Variants in SPATA17 observed in about 807,000 individuals in gnomAD.
SPATA17 encodes the protein spermatogenesis-associated protein 17.
A neutral mutation model predicts 62.2 loss-of-function variants in SPATA17; 53 were observed. The observed-to-expected ratio is 0.85, with a 90% CI of 0.68 to 1.07. SPATA17 has a LOEUF of 1.07. SPATA17 is among the 50% of genes least tolerant of loss of function. SPATA17 has a pLI of 0.00. For missense variants in SPATA17, 466 were observed against 425.5 expected (o/e 1.10, Z -0.84); for synonymous variants, 146 against 146.8 (o/e 0.99, Z 0.04).
chr1:217,653,860 GA>G (rs1333239507), intron 3 of SPATA17, among the ~76,000 whole-genome samples: 1 of 152,092 alleles, frequency 6.6e-6, no homozygotes, highest in African/African-American at 2.4e-5. Flanking sequence ...TAAAACCAAA[GA>G]ATTCCATTGG....
chr1:217,645,238 CA>C (rs1182740372), intron 1 of SPATA17, among the ~76,000 whole-genome samples: 1 of 151,700 alleles, frequency 6.6e-6, no homozygotes, highest in East Asian at 1.9e-4. Context: ...AATAATATCC[CA>C]AAAAGAAATT....
At chr1:217,838,185 G>T (rs950358140) in intron 9 of SPATA17, among the ~76,000 whole-genome samples, 1 of 151,570 alleles carries the variant, frequency 6.6e-6, no homozygotes, top group Non-Finnish European at 1.5e-5. Flanking sequence ...TTTCATTTGC[G>T]GCCCACATAG....
At chr1:217,732,084 T>TTCTCTCTCTC (rs60691625) in intron 5 of SPATA17, among the ~76,000 whole-genome samples, 8,215 of 148,754 alleles carry the variant, frequency 0.055, 255 homozygotes, top group Middle Eastern at 0.12. Context: ...TTACTCCAGT[T>TTCTCTCTCTC]TCTCTCTCTC....
In SPATA17 at chr1:217,795,456, G is replaced by A. The variant is rs145326036; in HGVS notation, c.873-6262G>A. 2.8e-3 allele frequency among the ~76,000 whole-genome samples: 368 copies of A among 129,310 alleles called. 1 individual carries two copies. The highest frequency in any genetic ancestry group is 9.3e-3 in the African/African-American group (326 of 34,922). The allele number at this position is 129,310 out of a possible 152,430, so 84.8% of individuals were successfully genotyped here. A position where few individuals can be genotyped will look rare whatever the true frequency, so the allele number is the denominator to read the frequency against. The stretch of plus-strand genomic sequence containing the variant: ...GTGATCTCGGCTCGCTGCAAACTCC[G>A]CCTCTGGCGTTCAATTGATTCTTCT... On this transcript the variant is annotated intron_variant, in intron 8 of 10. Transcript: ENST00000366933.
chr1:217,635,439 C>A (rs764232019), intron 1 of SPATA17, among the ~76,000 whole-genome samples: 2 of 152,186 alleles, frequency 1.3e-5, no homozygotes, highest in Non-Finnish European at 2.9e-5. Flanking sequence ...CATGGTGGCT[C>A]ACGCCTATAA....
intron 8 of SPATA17, among the ~76,000 whole-genome samples, chr1:217,793,057 T>G (rs1674037961): frequency 1.3e-5 from 2 of 152,168 alleles, no homozygotes. Flanking sequence ...AACACTGTTC[T>G]TCAGTTAAAG....
chr1:217,821,310 A>G (rs989942006), intron 9 of SPATA17, among the ~76,000 whole-genome samples: 2 of 152,136 alleles, frequency 1.3e-5, no homozygotes, highest in Non-Finnish European at 2.9e-5. Context: ...AGGAATGCCA[A>G]TATCTAATGG....
chr1:217,730,231 T>C (rs2102940601), intron 5 of SPATA17, among the ~76,000 whole-genome samples: 1 of 152,050 alleles, frequency 6.6e-6, no homozygotes, highest in African/African-American at 2.4e-5. Flanking sequence ...TTTTTTTTTT[T>C]TTTTGAGATG....
chr1:217,742,804 T>G (rs1390860258), intron 6 of SPATA17, among the ~76,000 whole-genome samples: 1 of 151,862 alleles, frequency 6.6e-6, no homozygotes, highest in Non-Finnish European at 1.5e-5. Context: ...GGGTTTTTAT[T>G]TTTTTCTCAT....
At chr1:217,786,794 T>TCTTCTTCTTCTTCTTCTC (rs1673881439) in intron 8 of SPATA17, among the ~76,000 whole-genome samples, 1 of 151,088 alleles carries the variant, frequency 6.6e-6, no homozygotes, top group Non-Finnish European at 1.5e-5. Flanking sequence ...TTCTTCTTCT[T>TCTTCTTCTTCTTCTTCTC]CTTCTTCTTC....
At chr1:217,747,396 G>T (rs1285047624) in intron 6 of SPATA17, among the ~76,000 whole-genome samples, 1 of 152,046 alleles carries the variant, frequency 6.6e-6, no homozygotes, top group East Asian at 1.9e-4. Context: ...AAGGCCTATT[G>T]TTGGATTTAT....
chr1:217,690,021 A>C (rs375934319), intron 5 of SPATA17, among the ~76,000 whole-genome samples: 1 of 151,654 alleles, frequency 6.6e-6, no homozygotes, highest in Non-Finnish European at 1.5e-5. Context: ...CTCCTGCCTC[A>C]GCCTCCGAGT....
chr1:217,732,267 C>T (rs1406802838), intron 5 of SPATA17, among the ~76,000 whole-genome samples: 1 of 152,142 alleles, frequency 6.6e-6, no homozygotes, highest in African/African-American at 2.4e-5. Flanking sequence ...CTACATGTAG[C>T]ATACTGCTTT....
chr1:217,807,959 A>G (rs1240772269), intron 9 of SPATA17, among the ~76,000 whole-genome samples: 1 of 152,218 alleles, frequency 6.6e-6, no homozygotes, highest in African/African-American at 2.4e-5. Flanking sequence ...GTCAAAGTGT[A>G]TTAACACATG....
At chr1:217,744,017 A>G (rs1672687111) in intron 6 of SPATA17, among the ~76,000 whole-genome samples, 1 of 151,140 alleles carries the variant, frequency 6.6e-6, no homozygotes, top group Non-Finnish European at 1.5e-5. Flanking sequence ...ATGAAGACTC[A>G]GTTTTTTTTA....
intron 9 of SPATA17, among the ~76,000 whole-genome samples, chr1:217,813,887 A>G (rs953273850): frequency 5.3e-5 from 8 of 152,012 alleles, no homozygotes; most frequent in African/African-American, 1.7e-4. Flanking sequence ...CAAATACTGT[A>G]TTGTATTACT....
At chr1:217,791,971 G>A (rs1271420825) in intron 8 of SPATA17, among the ~76,000 whole-genome samples, 4 of 152,074 alleles carry the variant, frequency 2.6e-5, no homozygotes, top group African/African-American at 7.2e-5. Flanking sequence ...CTGTAACCAG[G>A]GGTGTCCAGT....
chr1:217,722,974 G>A (rs1672174672), intron 5 of SPATA17, among the ~76,000 whole-genome samples: 2 of 152,102 alleles, frequency 1.3e-5, no homozygotes, highest in Admixed American at 6.5e-5. Flanking sequence ...AGATGACACT[G>A]TGTCAGAATG....
chr1:217,636,808 CT>C (rs1669952546), intron 1 of SPATA17, among the ~76,000 whole-genome samples: 2 of 152,154 alleles, frequency 1.3e-5, no homozygotes, highest in African/African-American at 4.8e-5. Flanking sequence ...CATCTTTTAA[CT>C]TTTTGGTGCC....
Sources: gnomAD v4.1 joint callset for allele counts (sites outside exome capture counted in the v4.1 genomes callset) on GRCh38, gnomAD v4.1.1 for gene constraint, MANE v1.5 for transcripts, NCBI Gene and HGNC (gene_info 2026-07-23, HGNC 2026-07-21) for gene names.